TDRD12: variants seen among roughly 807,000 people sequenced by gnomAD.
The protein encoded by TDRD12 is putative ATP-dependent RNA helicase TDRD12.
In TDRD12, 158 loss-of-function variants were observed where a neutral mutation model predicts 133.5. The ratio of observed to expected loss-of-function variants is 1.18; its 90% CI spans 1.04 to 1.35. The LOEUF is 1.35. Among genes scored for constraint, TDRD12 ranks in the 40% most tolerant of loss-of-function variants. The pLI is 0.00. For missense variants in TDRD12, 1,443 were observed against 1,321.3 expected (o/e 1.09, Z -1.43); for synonymous variants, 460 against 477.9 (o/e 0.96, Z 0.49).
chr19:32,777,236 A>AT lies in TDRD12; in HGVS notation c.1121+13dup. 1 of 1,497,562 alleles carries AT rather than the reference A, an allele frequency of 6.7e-7. No homozygotes were observed. The highest frequency in any genetic ancestry group is 9.0e-7 in the Non-Finnish European group (1 of 1,115,982). 92.8% of individuals were successfully genotyped at this position (1,497,562 alleles called of 1,614,324 possible). On this transcript the variant is annotated splice_region_variant and intron_variant, in intron 11 of 27. Transcript: ENST00000444215. ...AGAAGAATAGCTGTGTGAAGTAAGA[A>AT]TTTTTTCCTTGGCCTGAATTGTGTA...
chr19:32,731,625 G>A (rs1969056974), intron 1 of TDRD12, 100 bp from the exon 2 acceptor site: 1 of 1,106,104 alleles, frequency 9.0e-7, no homozygotes, highest in Non-Finnish European at 1.2e-6. Context: ...AATTTGTTAG[G>A]TCACTTAAAT....
intron 8 of TDRD12, among the ~76,000 whole-genome samples, chr19:32,758,041 A>G (rs1399127928): frequency 4.6e-5 from 7 of 152,158 alleles, no homozygotes; most frequent in South Asian, 2.1e-4. Flanking sequence ...GGCCTCACTC[A>G]GCCCTGGGCC....
At position 32,815,587 on chromosome 19, in the gene TDRD12, T is replaced by TAC. The variant is rs1967151034; in HGVS notation, c.3282_3283dup (p.Pro1095HisfsTer8). 9 of 1,536,196 alleles carry TAC rather than the reference T, an allele frequency of 5.9e-6. No homozygotes were observed. Among genetic ancestry groups the TAC allele is most frequent in the Non-Finnish European group, 7.8e-6 (9 of 1,146,926 alleles). On this transcript the variant is annotated frameshift_variant, in exon 26 of 28. Transcript: ENST00000444215. LOFTEE classifies it high-confidence loss of function. ...AAAAAATTACGCGAAGATGCTAAGA[T>TAC]ACCAGCTTGTGAAGAAAGCCTAAGC...
At chr19:32,790,752 T>C in intron 12 of TDRD12, 161 bp downstream of exon 12, 1 of 1,522,374 alleles carries the variant, frequency 6.6e-7, no homozygotes, top group Non-Finnish European at 8.8e-7. Context: ...GAATGGATTG[T>C]TGCTTCTGAG....
chr19:32,742,254 T>C (rs186190528), intron 3 of TDRD12, among the ~76,000 whole-genome samples: 17 of 152,084 alleles, frequency 1.1e-4, no homozygotes, highest in Non-Finnish European at 2.2e-4. Context: ...CCTCCCAGGT[T>C]CAAGCAATTC....
chr19:32,749,951 C>CA (rs1263632281), intron 6 of TDRD12, 82 bp downstream of exon 6: 1 of 1,012,720 alleles, frequency 9.9e-7, no homozygotes, highest in Non-Finnish European at 1.4e-6. Context: ...CCAAGAAAAA[C>CA]ACTGTAGTTC....
intron 11 of TDRD12, among the ~76,000 whole-genome samples, chr19:32,788,627 C>T (rs1481300950): frequency 1.3e-5 from 2 of 152,088 alleles, no homozygotes; most frequent in Non-Finnish European, 2.9e-5. Context: ...GTTTTCTTCT[C>T]CCTACACTGT....
At chr19:32,747,487 G>A (rs1159840255) in intron 4 of TDRD12, among the ~76,000 whole-genome samples, 1 of 152,178 alleles carries the variant, frequency 6.6e-6, no homozygotes, top group East Asian at 1.9e-4. Context: ...GGAGGATGGT[G>A]GTGGCATCTC....
At chr19:32,798,648 C>T (rs569109072) in intron 16 of TDRD12, among the ~76,000 whole-genome samples, 1 of 152,074 alleles carries the variant, frequency 6.6e-6, no homozygotes, top group Non-Finnish European at 1.5e-5. Context: ...ACATTCTTTC[C>T]TAGAGATTTC....
intron 10 of TDRD12, among the ~76,000 whole-genome samples, chr19:32,775,998 G>A (rs186863686): frequency 5.3e-5 from 8 of 152,156 alleles, no homozygotes; most frequent in Admixed American, 1.3e-4. Context: ...TCTGCCTTGC[G>A]AACTGTGGGT....
At chr19:32,806,539 G>A (rs1388276244) in intron 21 of TDRD12, among the ~76,000 whole-genome samples, 6 of 151,674 alleles carry the variant, frequency 4.0e-5, no homozygotes, top group South Asian at 2.1e-4. Context: ...GATGGGGTTC[G>A]CCATGTTGGC....
At chr19:32,780,347 A>G (rs1970726726) in intron 11 of TDRD12, among the ~76,000 whole-genome samples, 1 of 152,140 alleles carries the variant, frequency 6.6e-6, no homozygotes, top group Admixed American at 6.5e-5. Flanking sequence ...TTAGCTTCCC[A>G]AAGTGCTGGG....
intron 4 of TDRD12, among the ~76,000 whole-genome samples, chr19:32,743,735 A>G (rs1239359614): frequency 2.0e-5 from 3 of 152,098 alleles, no homozygotes; most frequent in Non-Finnish European, 4.4e-5. Flanking sequence ...TTAACTTAAG[A>G]ATATGTGTTG....
At chr19:32,826,093 T>C (rs1967580071), downstream of TDRD12, 3 of 1,535,720 alleles carry the variant, frequency 2.0e-6, no homozygotes, top group Non-Finnish European at 2.6e-6. Context: ...CTTGATTTTG[T>C]GCAGAAACTT....
intron 1 of TDRD12, among the ~76,000 whole-genome samples, chr19:32,721,718 T>TTTATTTTATTTTATG (rs1568440357): frequency 3.4e-5 from 5 of 145,890 alleles, no homozygotes; most frequent in African/African-American, 1.3e-4. Flanking sequence ...TTTATTTTAT[T>TTTATTTTATTTTATG]TTATTTTGAG....
intron 6 of TDRD12, among the ~76,000 whole-genome samples, chr19:32,750,543 C>T (rs1568458241): frequency 6.6e-6 from 1 of 152,220 alleles, no homozygotes; most frequent in Admixed American, 6.5e-5. Flanking sequence ...CACAAAACCA[C>T]AGTACAGTTT....
At chr19:32,780,744 C>T (rs1419608922) in intron 11 of TDRD12, among the ~76,000 whole-genome samples, 1 of 151,798 alleles carries the variant, frequency 6.6e-6, no homozygotes, top group African/African-American at 2.4e-5. Context: ...TTTCACATAG[C>T]CTTTTGGTTT....
At chr19:32,827,114 G>A (rs1195819444) in intron 9 of TDRD12, 50 bp from the exon 33 acceptor site, 3 of 1,044,416 alleles carry the variant, frequency 2.9e-6, no homozygotes, top group Non-Finnish European at 3.7e-6. Context: ...GGGAAATAAA[G>A]ATTTGCTGAT....
chr19:32,803,263 TG>T, intron 21 of TDRD12, 121 bp downstream of exon 21: 2 of 731,694 alleles, frequency 2.7e-6, no homozygotes, highest in East Asian at 5.5e-5. Flanking sequence ...GGGAGCAGTC[TG>T]GGGGTTCCCT....
Sources: allele counts gnomAD v4.1 joint callset (sites outside exome capture counted in the v4.1 genomes callset), GRCh38; gene constraint gnomAD v4.1.1; transcripts MANE v1.5; gene names NCBI Gene and HGNC (gene_info 2026-07-23, HGNC 2026-07-21).